TRPM3: variants seen among roughly 807,000 people sequenced by gnomAD.
The protein encoded by TRPM3 is transient receptor potential cation channel subfamily M member 3.
A neutral mutation model predicts 181.2 loss-of-function variants in TRPM3; 77 were observed. The ratio of observed to expected loss-of-function variants is 0.42; its 90% CI spans 0.35 to 0.51. TRPM3 has a LOEUF of 0.51. Ranked by LOEUF, TRPM3 falls within the 20% of genes least tolerant of loss-of-function variation. The probability of loss-of-function intolerance (pLI) is 0.01; values close to 1 mark genes in which losing one functional copy is unlikely to be tolerated. For synonymous variants in TRPM3, 745 were observed against 796.4 expected (o/e 0.94, Z 1.09); for missense variants, 1,759 against 2,196.7 (o/e 0.80, Z 3.98).
At chr9:71,310,905 T>C (rs2087865153) in intron 1 of TRPM3, among the ~76,000 whole-genome samples, 1 of 152,058 alleles carries the variant, frequency 6.6e-6, no homozygotes, top group African/African-American at 2.4e-5. Flanking sequence ...AAGATGACAG[T>C]TAACTAAGAG....
At chr9:70,914,529 G>C (rs2133192238) in intron 1 of TRPM3, among the ~76,000 whole-genome samples, 1 of 152,344 alleles carries the variant, frequency 6.6e-6, no homozygotes, top group East Asian at 1.9e-4. Flanking sequence ...GAACAGACGT[G>C]TAGTGTGATA....
At chr9:71,222,688 A>G (rs1019212254) in intron 1 of TRPM3, among the ~76,000 whole-genome samples, 3 of 152,220 alleles carry the variant, frequency 2.0e-5, no homozygotes, top group African/African-American at 7.2e-5. Flanking sequence ...TTGAATTGAC[A>G]ACACCATCAC....
At chr9:71,029,937 G>A (rs1398229975) in intron 1 of TRPM3, among the ~76,000 whole-genome samples, 2 of 152,148 alleles carry the variant, frequency 1.3e-5, no homozygotes. Context: ...ACTGACCCCT[G>A]AGCCAAAAGG....
intron 1 of TRPM3, among the ~76,000 whole-genome samples, chr9:71,378,228 C>T (rs1239753072): frequency 1.3e-5 from 2 of 151,970 alleles, no homozygotes; most frequent in South Asian, 2.1e-4. Context: ...TTATTAGTCA[C>T]CAAGGTGATA....
At chr9:71,082,146 C>T (rs777409704) in intron 1 of TRPM3, among the ~76,000 whole-genome samples, 1 of 152,120 alleles carries the variant, frequency 6.6e-6, no homozygotes, top group Non-Finnish European at 1.5e-5. Context: ...GTCGAATACT[C>T]TCAACTGACC....
At chr9:70,838,908 G>A (rs544711966) in intron 5 of TRPM3, among the ~76,000 whole-genome samples, 5 of 152,228 alleles carry the variant, frequency 3.3e-5, no homozygotes, top group Admixed American at 6.5e-5. Flanking sequence ...ATCAAGATTA[G>A]TGCTGTCCCT....
At position 70,958,095 on chromosome 9, in the gene TRPM3, C is replaced by T. The variant is rs531632866; in HGVS notation, c.178-93584G>A. Among the ~76,000 whole-genome samples, 81 of 152,236 alleles carry T rather than the reference C, an allele frequency of 5.3e-4. 1 individual carries two copies. The highest frequency in any genetic ancestry group is 1.5e-3 in the African/African-American group (61 of 41,552). ...TGACAAGAGATGGATGATCTAAGGTCGCCTTTCCCTTGGGAGTGCTCCCTG... is the reference window on the plus strand; with the variant it reads ...TGACAAGAGATGGATGATCTAAGGTTGCCTTTCCCTTGGGAGTGCTCCCTG... On this transcript the variant is annotated intron_variant, in intron 1 of 25. Transcript: ENST00000677713.
At chr9:70,921,576 G>A (rs10116690) in intron 1 of TRPM3, among the ~76,000 whole-genome samples, 26,574 of 152,064 alleles carry the variant, frequency 0.17, 2,568 homozygotes, top group African/African-American at 0.25. Flanking sequence ...TACTCCCTTA[G>A]TGAAGTTTTA....
At chr9:70,597,093 C>G (rs1181360578) in intron 21 of TRPM3, among the ~76,000 whole-genome samples, 1 of 152,008 alleles carries the variant, frequency 6.6e-6, no homozygotes, top group Admixed American at 6.6e-5. Flanking sequence ...ACCACCATGC[C>G]CAGCTAATTT....
chr9:71,269,642 G>A (rs895534317), intron 1 of TRPM3, among the ~76,000 whole-genome samples: 1 of 152,252 alleles, frequency 6.6e-6, no homozygotes, highest in African/African-American at 2.4e-5. Flanking sequence ...GCATGAAAAA[G>A]GAACTAGAAA....
intron 1 of TRPM3, among the ~76,000 whole-genome samples, chr9:70,900,024 C>T (rs2132999356): frequency 6.6e-6 from 1 of 152,206 alleles, no homozygotes; most frequent in African/African-American, 2.4e-5. Flanking sequence ...GCAGAAGAAA[C>T]ATTTAGAGAA....
chr9:70,553,457 A>G (rs544155536), intron 22 of TRPM3, 147 bp from the exon 23 acceptor site: 2 of 1,007,962 alleles, frequency 2.0e-6, no homozygotes, highest in East Asian at 2.6e-5. Context: ...CCAAAATTGA[A>G]AAATGAGAGC....
chr9:70,578,223 C>T (rs575889292), intron 22 of TRPM3, among the ~76,000 whole-genome samples: 14 of 148,536 alleles, frequency 9.4e-5, no homozygotes, highest in African/African-American at 3.5e-4. Flanking sequence ...ATTGATTGAA[C>T]TGAACTATTT....
intron 1 of TRPM3, among the ~76,000 whole-genome samples, chr9:71,143,182 C>T (rs1215044809): frequency 6.6e-6 from 1 of 151,000 alleles, no homozygotes; most frequent in East Asian, 1.9e-4. Context: ...GAACTTTGTC[C>T]CATTAAATAT....
At chr9:70,891,200 T>A (rs2096196537) in intron 1 of TRPM3, among the ~76,000 whole-genome samples, 1 of 151,854 alleles carries the variant, frequency 6.6e-6, no homozygotes, top group South Asian at 2.1e-4. Flanking sequence ...GAAAAGGAGA[T>A]TGAATAATTT....
intron 1 of TRPM3, among the ~76,000 whole-genome samples, chr9:71,409,830 T>C (rs1387299713): frequency 1.3e-5 from 2 of 152,188 alleles, no homozygotes; most frequent in Non-Finnish European, 2.9e-5. Flanking sequence ...ACATTGCACT[T>C]ATTCTAAAAT....
intron 1 of TRPM3, among the ~76,000 whole-genome samples, chr9:71,407,827 G>C (rs775414989): frequency 6.6e-6 from 1 of 152,140 alleles, no homozygotes; most frequent in Non-Finnish European, 1.5e-5. Context: ...CTCCCAATAG[G>C]GGCCAACTGA....
rs1383410053 is a variant in TRPM3 at position 71,407,287 on chromosome 9, G to A, written c.183+39366C>T. On this transcript the variant is annotated intron_variant, in intron 1 of 24. Coordinates refer to the TRPM3 transcript ENST00000357533. ...AGCACAGTGGGGCATCATCTCACCC[G>A]GGAAGTACAAGGGGTTGGGGAATTC... Among the ~76,000 whole-genome samples the A allele has an allele frequency of 1.3e-4, 20 of 152,124 alleles. No homozygotes were observed. The East Asian group carries it at 1.7e-3, about 13-fold the overall frequency.
intron 1 of TRPM3, among the ~76,000 whole-genome samples, chr9:70,878,881 T>C (rs2095924849): frequency 6.6e-6 from 1 of 152,104 alleles, no homozygotes; most frequent in South Asian, 2.1e-4. Flanking sequence ...GATTCTCAGA[T>C]GATTCCCTTA....
Sources: gnomAD v4.1 joint callset for allele counts (sites outside exome capture counted in the v4.1 genomes callset) on GRCh38, gnomAD v4.1.1 for gene constraint, MANE v1.5 for transcripts, NCBI Gene and HGNC (gene_info 2026-07-23, HGNC 2026-07-21) for gene names.